The following BAIAP2L2 variants were observed in gnomAD, a reference collection of about 807,000 sequenced individuals.
The protein encoded by BAIAP2L2 is BAR/IMD domain containing adaptor protein 2 like 2.
Under a neutral mutation model 60.4 loss-of-function variants are expected in BAIAP2L2, and 65 were observed. That is an observed-to-expected ratio of 1.08 (90% CI 0.88 to 1.32). The LOEUF is 1.32. BAIAP2L2 is among the 40% of genes most tolerant of loss of function. The pLI, the probability that BAIAP2L2 is intolerant of heterozygous loss-of-function variation, is 0.00. For missense variants in BAIAP2L2, 836 were observed against 741.2 expected (o/e 1.13, Z -1.48); for synonymous variants, 344 against 301.7 (o/e 1.14, Z -1.45).
rs1462405176 is a variant in BAIAP2L2 at position 38,089,091 on chromosome 22, C to T, written c.901+5G>A. ...CTCCTGCCGCCCCGGGGCGGGGGCA[C>T]TCACAGGCCGACGGCGTGCGGGGCA... On this transcript the variant is annotated splice_donor_5th_base_variant and intron_variant, in intron 9 of 13. Coordinates refer to ENST00000381669, the MANE Select transcript of BAIAP2L2 (RefSeq NM_025045.6). The T allele has an allele frequency of 2.2e-6, 3 of 1,380,058 alleles. No individual in the cohort carries two copies. The highest frequency in any genetic ancestry group is 3.6e-5 in the Admixed American group (1 of 27,430). The allele number at this position is 1,380,058 out of a possible 1,614,324, so 85.5% of individuals were successfully genotyped here. A position where few individuals can be genotyped will look rare whatever the true frequency, so the allele number is the denominator to read the frequency against.
intron 6 of BAIAP2L2, 37 bp from the exon 7 acceptor site, chr22:38,097,215 G>A (rs763390204): frequency 6.2e-7 from 1 of 1,603,216 alleles, no homozygotes; most frequent in South Asian, 1.1e-5. Flanking sequence ...GGGGCGGTGG[G>A]TGTGTCTCAT....
At position 38,098,073 on chromosome 22, in the gene BAIAP2L2, C is replaced by G. The variant is rs746344585; in HGVS notation, c.455G>C (p.Arg152Pro). 4.4e-6 allele frequency: 7 copies of G among 1,590,634 alleles called. No individual in the cohort carries two copies. Among genetic ancestry groups the G allele is most frequent in the South Asian group, 1.1e-5 (1 of 90,646 alleles). The change falls in exon 6 of 14, where the codon CGG becomes CCG. Residue 152 changes from arginine (R) to proline (P), a missense_variant. Arg to Pro is a moderately radical substitution (Grantham distance 103). Coordinates refer to ENST00000381669, the MANE Select transcript of BAIAP2L2 (RefSeq NM_025045.6). Reference protein sequence around the residue: ...RMERKRDKNVREMKESVNRLH... With the variant: ...RMERKRDKNVPEMKESVNRLH... ...TCCCGGCCCTCGCACCTTCATCTCC[C>G]GCACGTTCTTGTCTCTCTTGCGCTC...
intron 3 of BAIAP2L2, 96 bp from the exon 4 acceptor site, chr22:38,108,009 G>T: frequency 8.5e-7 from 1 of 1,180,290 alleles, no homozygotes; most frequent in Non-Finnish European, 1.2e-6. Context: ...GGGCCTGCCC[G>T]AGACTGGATT....
Position 38,087,175 on chromosome 22 carries a change from G to A in BAIAP2L2, c.1208C>T (p.Thr403Ile), listed in dbSNP as rs1039893973. Residue 403 changes from threonine (T) to isoleucine (I), a missense_variant, in exon 11 of 14, where the codon ACC becomes ATC. By Grantham distance (89) the Thr-to-Ile change is moderately conservative (BLOSUM62 -1). Transcript: ENST00000381669. The stretch of plus-strand genomic sequence containing the variant: ...CATGGGTGTCATGGGGGACATGGAG[G>A]TCATGGAGGTCATGGGGGTCACGGG... The part of the protein sequence containing the change: ...MTPVTPMTSM[T>I]SMSPMTPMNP... 8.1e-6 allele frequency: 13 copies of A among 1,599,308 alleles called. No individual in the cohort carries two copies. The highest frequency in any genetic ancestry group is 3.4e-5 in the South Asian group (3 of 88,742).
intron 10 of BAIAP2L2, among the ~76,000 whole-genome samples, chr22:38,088,173 TC>T: frequency 6.6e-6 from 1 of 152,316 alleles, no homozygotes; most frequent in South Asian, 2.1e-4. Context: ...TGCCCCGTTT[TC>T]CCCTGCAGGA....
intron 7 of BAIAP2L2, among the ~76,000 whole-genome samples, chr22:38,094,505 G>A (rs2086381894): frequency 6.6e-6 from 1 of 152,256 alleles, no homozygotes; most frequent in African/African-American, 2.4e-5. Context: ...GGTTACTGTG[G>A]TGGAGGGTAT....
chr22:38,102,915 A>G (rs1602024800), intron 4 of BAIAP2L2, among the ~76,000 whole-genome samples: 2 of 151,892 alleles, frequency 1.3e-5, no homozygotes, highest in Admixed American at 6.6e-5. Context: ...GCATGGTGGC[A>G]GGCGCCTGTG....
At chr22:38,104,413 G>T (rs2086622112) in intron 4 of BAIAP2L2, among the ~76,000 whole-genome samples, 1 of 152,126 alleles carries the variant, frequency 6.6e-6, no homozygotes, top group African/African-American at 2.4e-5. Flanking sequence ...CAGAGCAGAT[G>T]GTCCCAGGGT....
At chr22:38,101,371 T>TAAAAAA (rs529893934) in intron 4 of BAIAP2L2, among the ~76,000 whole-genome samples, 31 of 80,740 alleles carry the variant, frequency 3.8e-4, no homozygotes, top group African/African-American at 5.6e-4. Flanking sequence ...TGTCTCTACA[T>TAAAAAA]AAAAAAAAAA....
chr22:38,103,218 A>AAAAT (rs751073031), intron 4 of BAIAP2L2, among the ~76,000 whole-genome samples: 14 of 152,234 alleles, frequency 9.2e-5, no homozygotes, highest in East Asian at 7.7e-4. Flanking sequence ...TCTGCCTCTG[A>AAAAT]AAATAAATAA....
chr22:38,086,335 C>G lies in BAIAP2L2; in HGVS notation c.1374G>C (p.Arg458=), dbSNP rs762912832. 6.4e-7 allele frequency: 1 copy of G among 1,565,694 alleles called. No individual in the cohort carries two copies. Among genetic ancestry groups the G allele is most frequent in the Non-Finnish European group, 8.7e-7 (1 of 1,150,190 alleles). The stretch of plus-strand genomic sequence containing the variant: ...CAGGGCTGGGGGCACGGCTTGGCAC[C>G]CGGCTTGGGGTGCGGGAGCGGGACT... The part of the protein sequence containing the change: ...DGQSRSRTPS[R]VPSRAPSPAP... The change falls in exon 12 of 14, where the codon CGG becomes CGC. Residue 458 remains arginine, a synonymous_variant. Coordinates refer to ENST00000381669, the MANE Select transcript of BAIAP2L2 (RefSeq NM_025045.6).
intron 4 of BAIAP2L2, among the ~76,000 whole-genome samples, chr22:38,105,012 T>A (rs192891248): frequency 2.2e-4 from 34 of 152,332 alleles, no homozygotes; most frequent in African/African-American, 7.9e-4. Context: ...GTTTGCCTAA[T>A]AATGATTCAT....
At position 38,108,365 on chromosome 22, in the gene BAIAP2L2, T is replaced by A. The variant is rs5750540; in HGVS notation, c.128-24A>T. 1,591 of 1,595,084 alleles carry A rather than the reference T, an allele frequency of 1.0e-3. 2 individuals are homozygous for A. The highest frequency in any genetic ancestry group is 1.2e-3 in the Non-Finnish European group (1,410 of 1,168,272). On this transcript the variant is annotated intron_variant, in intron 2 of 13. Coordinates refer to ENST00000381669, the MANE Select transcript of BAIAP2L2 (RefSeq NM_025045.6). ...AGCTGTGGACCAGAAGGGACAGGTC[T>A]GGTCCAGCCCTGCCTCTGCCCCACC...
intron 10 of BAIAP2L2, among the ~76,000 whole-genome samples, chr22:38,088,224 T>C (rs536509071): frequency 3.2e-4 from 49 of 152,356 alleles, no homozygotes; most frequent in Non-Finnish European, 5.0e-4. Context: ...CTGCCAGCCC[T>C]GCTGTCCTCC....
rs544799602 is a variant in BAIAP2L2 at position 38,094,718 on chromosome 22, G to A, written c.612+2314C>T. Among the ~76,000 whole-genome samples the A allele has an allele frequency of 5.3e-5, 8 of 152,356 alleles. No individual in the cohort carries two copies. In the East Asian group the frequency reaches 1.5e-3, roughly 29 times the overall value. Reference sequence around the variant, plus strand: ...GAGAAGGCTGAGCCTGGGGCCGGGTGAGGCGGTGACAGTGGGCAGATGAGA... The same window carrying A: ...GAGAAGGCTGAGCCTGGGGCCGGGTAAGGCGGTGACAGTGGGCAGATGAGA... On this transcript the variant is annotated intron_variant, in intron 7 of 13. Coordinates refer to ENST00000381669, the MANE Select transcript of BAIAP2L2 (RefSeq NM_025045.6).
chr22:38,097,517 C>T (rs1914881997), intron 6 of BAIAP2L2, among the ~76,000 whole-genome samples: 1 of 152,178 alleles, frequency 6.6e-6, no homozygotes, highest in African/African-American at 2.4e-5. Flanking sequence ...AGGTTAATAG[C>T]CCCTACTTGG....
At chr22:38,097,612 G>A (rs2086467862) in intron 6 of BAIAP2L2, among the ~76,000 whole-genome samples, 1 of 152,220 alleles carries the variant, frequency 6.6e-6, no homozygotes, top group Non-Finnish European at 1.5e-5. Context: ...TAATCCATGG[G>A]TTTGGATCTT....
At chr22:38,094,015 T>C (rs2086368979) in intron 7 of BAIAP2L2, 1 of 456,246 alleles carries the variant, frequency 2.2e-6, no homozygotes, top group East Asian at 6.9e-5. Context: ...ATCCAAGCAA[T>C]GGAATATTAT....
intron 4 of BAIAP2L2, among the ~76,000 whole-genome samples, chr22:38,104,157 A>G (rs879317406): frequency 2.0e-5 from 3 of 152,106 alleles, no homozygotes; most frequent in African/African-American, 4.8e-5. Context: ...GGGTAATAAT[A>G]GCAGATAAGG....
Sources: gnomAD v4.1 joint callset for allele counts (sites outside exome capture counted in the v4.1 genomes callset) on GRCh38, gnomAD v4.1.1 for gene constraint, MANE v1.5 for transcripts, NCBI Gene and HGNC (gene_info 2026-07-23, HGNC 2026-07-21) for gene names.